The following SV2C variants were observed in gnomAD, a reference collection of about 807,000 sequenced individuals.
SV2C encodes synaptic vesicle glycoprotein 2C, also known as solute carrier family 22 member B3.
Under a neutral mutation model 79.7 loss-of-function variants are expected in SV2C, and 49 were observed. The observed-to-expected ratio is 0.61, with a 90% confidence interval of 0.49 to 0.78. SV2C has a LOEUF of 0.78. Among genes scored for constraint, SV2C ranks in the 30% least tolerant of loss-of-function variants. The pLI, the probability that SV2C is intolerant of heterozygous loss-of-function variation, is 0.00. For synonymous variants in SV2C, 334 were observed against 333.2 expected, an observed-to-expected ratio of 1.00 and a Z score of -0.03; for missense variants, 833 against 912.9, an observed-to-expected ratio of 0.91 and a Z score of 1.13.
intron 4 of SV2C, among the ~76,000 whole-genome samples, chr5:76,276,450 C>T (rs1052633453): frequency 3.9e-5 from 6 of 152,190 alleles, no homozygotes; most frequent in African/African-American, 1.4e-4. Context: ...ATCCTCCCAC[C>T]TCAGCCTCCC....
chr5:76,098,858 A>G (rs923142138), intron 1 of SV2C, among the ~76,000 whole-genome samples: 1 of 152,192 alleles, frequency 6.6e-6, no homozygotes, highest in Non-Finnish European at 1.5e-5. Flanking sequence ...GAATGATGCA[A>G]TTCTTCTTAC....
At chr5:76,221,478 G>T (rs1469008762) in intron 4 of SV2C, among the ~76,000 whole-genome samples, 1 of 152,172 alleles carries the variant, frequency 6.6e-6, no homozygotes, top group Non-Finnish European at 1.5e-5. Flanking sequence ...TAGGGGTGCC[G>T]CCTGCTGTTA....
In SV2C at chr5:76,194,940, T is replaced by C; in HGVS notation, c.602T>C (p.Met201Thr). The change falls in exon 3 of 13, where the codon ATG becomes ACG. Residue 201 changes from methionine to threonine, a missense_variant. Coordinates refer to ENST00000502798, the MANE Select transcript of SV2C (RefSeq NM_014979.4). ...GWLGSIVYLG[M>T]MVGAFFWGGL... ...GCAGGCAGCATAGTGTACCTCGGGA[T>C]GATGGTGGGGGCGTTCTTCTGGGGA... 1.2e-6 allele frequency: 2 copies of C among 1,614,018 alleles called. No individual in the cohort carries two copies. Among genetic ancestry groups the C allele is most frequent in the Non-Finnish European group, 1.7e-6 (2 of 1,179,936 alleles).
the SV2C span, among the ~76,000 whole-genome samples, chr5:75,984,668 A>T: frequency 7.9e-5 from 12 of 151,852 alleles, no homozygotes; most frequent in African/African-American, 2.4e-5. Flanking sequence ...CTATCTACCT[A>T]AGGAATAGAC....
chr5:75,985,599 A>G, the SV2C span, among the ~76,000 whole-genome samples: 1 of 151,980 alleles, frequency 6.6e-6, no homozygotes, highest in Non-Finnish European at 1.5e-5. Flanking sequence ...ATGGGGAAAG[A>G]TGTCCTTGCT....
At chr5:76,202,033 A>AG (rs1286032967) in intron 3 of SV2C, among the ~76,000 whole-genome samples, 30 of 150,704 alleles carry the variant, frequency 2.0e-4, no homozygotes, top group South Asian at 8.4e-4. Flanking sequence ...AAAAAAAAAA[A>AG]AAAGAAAGAA....
chr5:75,948,390 T>G, the SV2C span, among the ~76,000 whole-genome samples: 5 of 152,120 alleles, frequency 3.3e-5, no homozygotes, highest in Non-Finnish European at 7.4e-5. Flanking sequence ...CTCCCTATGC[T>G]AGCCACCATT....
the SV2C span, among the ~76,000 whole-genome samples, chr5:75,984,884 C>T: frequency 6.6e-6 from 1 of 152,034 alleles, no homozygotes; most frequent in African/African-American, 2.4e-5. Flanking sequence ...CTAAAATAAT[C>T]TCCTTTGCTT....
chr5:76,203,125 G>A (rs1744503351), intron 3 of SV2C, among the ~76,000 whole-genome samples: 1 of 152,172 alleles, frequency 6.6e-6, no homozygotes, highest in Non-Finnish European at 1.5e-5. Flanking sequence ...TGATCACAAA[G>A]GAGAAGGAAC....
At chr5:75,991,211 T>C in the SV2C span, among the ~76,000 whole-genome samples, 1,847 of 152,124 alleles carry the variant, frequency 0.012, 23 homozygotes, top group East Asian at 0.024. Flanking sequence ...CAGGAAAATA[T>C]AACACCTTTC....
chr5:76,037,090 C>T, the SV2C span, among the ~76,000 whole-genome samples: 1 of 152,188 alleles, frequency 6.6e-6, no homozygotes, highest in South Asian at 2.1e-4. Context: ...TGGTTTTCAG[C>T]TCCATCAGCT....
At chr5:75,965,834 A>AG in the SV2C span, among the ~76,000 whole-genome samples, 1 of 152,138 alleles carries the variant, frequency 6.6e-6, no homozygotes, top group Non-Finnish European at 1.5e-5. Context: ...CCAGTTCTCC[A>AG]GAAAAAAAAA....
chr5:76,307,319 A>C (rs1428518187), intron 12 of SV2C, among the ~76,000 whole-genome samples: 1 of 152,238 alleles, frequency 6.6e-6, no homozygotes, highest in Non-Finnish European at 1.5e-5. Context: ...CTTCATAGGC[A>C]GAAAAGCTCT....
Position 76,351,012 on chromosome 5 carries a change from C to CAA in SV2C, c.2001-2104_2001-2103dup, listed in dbSNP as rs57145451. 2.2e-3 allele frequency among the ~76,000 whole-genome samples: 301 copies of CAA among 136,498 alleles called. 1 individual carries two copies. Among genetic ancestry groups the CAA allele is most frequent in the Middle Eastern group, 7.8e-3 (2 of 256 alleles). 89.5% of individuals were successfully genotyped at this position (136,498 alleles called of 152,430 possible). A position where few individuals can be genotyped will look rare whatever the true frequency, so the allele number is the denominator to read the frequency against. ...CTGCTGATAGAGTGAGACTCCATCT[C>CAA]AAAAAAAAAAAAAAATTCTCTAAGA... On this transcript the variant is annotated intron_variant, in intron 12 of 12. Coordinates refer to the SV2C transcript ENST00000322285.
intron 4 of SV2C, among the ~76,000 whole-genome samples, chr5:76,221,089 G>T (rs1745051673): frequency 6.6e-6 from 1 of 152,120 alleles, no homozygotes; most frequent in Non-Finnish European, 1.5e-5. Flanking sequence ...AATCTTTTAG[G>T]AATGTTCCTG....
the SV2C span, among the ~76,000 whole-genome samples, chr5:75,889,385 A>G: frequency 3.9e-5 from 6 of 152,072 alleles, no homozygotes; most frequent in African/African-American, 1.2e-4. Context: ...TTTGCTAAGA[A>G]TGATGGCTTC....
At chr5:76,119,624 T>G (rs774609011) in intron 1 of SV2C, among the ~76,000 whole-genome samples, 4 of 151,970 alleles carry the variant, frequency 2.6e-5, no homozygotes, top group Admixed American at 6.6e-5. Context: ...AAATCCAGAA[T>G]TGAGCCACCG....
At chr5:76,223,419 C>A (rs1745129699) in intron 4 of SV2C, among the ~76,000 whole-genome samples, 2 of 126,678 alleles carry the variant, frequency 1.6e-5, no homozygotes, top group Non-Finnish European at 3.2e-5. Flanking sequence ...CAGAGCAAGA[C>A]CCTGTCTCTT....
At chr5:76,224,463 T>G (rs182305028) in intron 4 of SV2C, among the ~76,000 whole-genome samples, 1 of 152,332 alleles carries the variant, frequency 6.6e-6, no homozygotes, top group Admixed American at 6.5e-5. Context: ...GGCTTACAAT[T>G]AACACCATTA....
Sources: gnomAD v4.1 joint callset for allele counts (sites outside exome capture counted in the v4.1 genomes callset) on GRCh38, gnomAD v4.1.1 for gene constraint, MANE v1.5 for transcripts, NCBI Gene and HGNC (gene_info 2026-07-23, HGNC 2026-07-21) for gene names.